S100Z: variants seen among roughly 807,000 people sequenced by gnomAD.
The protein encoded by S100Z is protein S100-Z.
Under a neutral mutation model 8.5 loss-of-function variants are expected in S100Z, and 11 were observed. That is an observed-to-expected ratio of 1.30 (90% CI 0.82 to 2.15). The LOEUF (loss-of-function observed/expected upper bound fraction) is 2.15, where lower values mean the gene tolerates loss of function less well. Ranked by LOEUF, S100Z falls within the 30% of genes most tolerant of loss-of-function variation. The pLI is 0.00. For synonymous variants in S100Z, 34 were observed against 43.8 expected (o/e 0.78, Z 0.89); for missense variants, 126 against 117.9 (o/e 1.07, Z -0.32).
chr5:76,922,724 C>T (rs1184511829), downstream of S100Z, among the ~76,000 whole-genome samples: 3 of 152,052 alleles, frequency 2.0e-5, no homozygotes, highest in South Asian at 2.1e-4. Flanking sequence ...GGGGTTTCAC[C>T]GTGTCAGCCA....
intron 4 of S100Z, among the ~76,000 whole-genome samples, chr5:76,920,366 G>A (rs546913039): frequency 6.6e-6 from 1 of 152,300 alleles, no homozygotes; most frequent in African/African-American, 2.4e-5. Flanking sequence ...GGCCATTTAT[G>A]GCTCTTTTTT....
the S100Z span, among the ~76,000 whole-genome samples, chr5:76,933,096 A>C: frequency 6.6e-6 from 1 of 152,242 alleles, no homozygotes; most frequent in Non-Finnish European, 1.5e-5. Context: ...AAAGTTTTAG[A>C]GTCCACAGTA....
At chr5:76,874,468 G>A (rs1449604674) in intron 2 of S100Z, among the ~76,000 whole-genome samples, 2 of 152,102 alleles carry the variant, frequency 1.3e-5, no homozygotes, top group Non-Finnish European at 2.9e-5. Flanking sequence ...CTTCTTCAAT[G>A]ACCCTTGGGG....
intron 4 of S100Z, among the ~76,000 whole-genome samples, chr5:76,887,395 CTTTT>C (rs70982657): frequency 4.0e-5 from 3 of 74,690 alleles, no homozygotes; most frequent in African/African-American, 1.6e-4. Flanking sequence ...CTGTGCCAGG[CTTTT>C]TTTTTTTTTT....
chr5:76,928,797 G>A, the S100Z span, among the ~76,000 whole-genome samples: 3 of 152,184 alleles, frequency 2.0e-5, no homozygotes, highest in African/African-American at 4.8e-5. Flanking sequence ...CTGGAGTGCA[G>A]CGCACAATCA....
intron 1 of S100Z, among the ~76,000 whole-genome samples, chr5:76,866,002 G>A (rs777330702): frequency 6.0e-5 from 9 of 150,796 alleles, no homozygotes; most frequent in Non-Finnish European, 7.4e-5. Flanking sequence ...GCGACAGAGT[G>A]AGACTCCATC....
At chr5:76,914,321 T>C (rs897478521) in intron 4 of S100Z, among the ~76,000 whole-genome samples, 8 of 151,870 alleles carry the variant, frequency 5.3e-5, no homozygotes, top group African/African-American at 1.7e-4. Flanking sequence ...TCTGTCTAGC[T>C]AAAGGATTGT....
At chr5:76,891,241 A>T (rs1252586655) in intron 4 of S100Z, among the ~76,000 whole-genome samples, 1 of 152,248 alleles carries the variant, frequency 6.6e-6, no homozygotes, top group Non-Finnish European at 1.5e-5. Context: ...TCTTAAAAGC[A>T]GTAGGTTTGA....
chr5:76,899,208 C>T (rs892915334), intron 4 of S100Z, among the ~76,000 whole-genome samples: 1 of 152,116 alleles, frequency 6.6e-6, no homozygotes, highest in African/African-American at 2.4e-5. Flanking sequence ...TGCGGGATTA[C>T]AGGTGTGAGC....
intron 4 of S100Z, among the ~76,000 whole-genome samples, chr5:76,917,123 CA>C (rs35232494): frequency 0.018 from 1,495 of 81,220 alleles, 12 homozygotes; most frequent in African/African-American, 0.065. Flanking sequence ...GAGACTGTCT[CA>C]AAAAAAAAAA....
chr5:76,923,119 A>T (rs115894747), downstream of S100Z, among the ~76,000 whole-genome samples: 1,375 of 152,094 alleles, frequency 9.0e-3, 18 homozygotes, highest in African/African-American at 0.032. Flanking sequence ...TGAAATTTCC[A>T]TGACTATCTC....
intron 4 of S100Z, among the ~76,000 whole-genome samples, chr5:76,892,774 T>A (rs1743909019): frequency 6.6e-6 from 1 of 152,216 alleles, no homozygotes; most frequent in Admixed American, 6.5e-5. Context: ...AGAGGAATAG[T>A]CAACTGTGCA....
At chr5:76,876,610 A>T (rs1743202242) in intron 3 of S100Z, among the ~76,000 whole-genome samples, 1 of 152,102 alleles carries the variant, frequency 6.6e-6, no homozygotes, top group Admixed American at 6.6e-5. Flanking sequence ...ACCTCAAGTG[A>T]TCTGCCTGCC....
chr5:76,856,390 G>C (rs1347898216), intron 1 of S100Z, among the ~76,000 whole-genome samples: 2 of 151,688 alleles, frequency 1.3e-5, no homozygotes, highest in African/African-American at 2.4e-5. Context: ...AGTAGAGATG[G>C]GGTTTTGCCA....
chr5:76,859,784 A>AAAAAAG (rs937439612), intron 1 of S100Z, among the ~76,000 whole-genome samples: 1 of 150,220 alleles, frequency 6.7e-6, no homozygotes, highest in African/African-American at 2.5e-5. Context: ...AAAAAAAAAA[A>AAAAAAG]AGAAATAAGA....
At chr5:76,904,191 C>G (rs576568094) in intron 4 of S100Z, among the ~76,000 whole-genome samples, 1 of 152,026 alleles carries the variant, frequency 6.6e-6, no homozygotes, top group Admixed American at 6.5e-5. Flanking sequence ...ATTTGTCCCC[C>G]CTAACCCCAC....
intron 4 of S100Z, among the ~76,000 whole-genome samples, chr5:76,913,719 G>A (rs1744750673): frequency 6.6e-6 from 1 of 152,236 alleles, no homozygotes; most frequent in South Asian, 2.1e-4. Context: ...TTCGGCGGCA[G>A]TGACTCTCCA....
intron 4 of S100Z, among the ~76,000 whole-genome samples, chr5:76,919,149 C>G (rs888596521): frequency 3.3e-5 from 5 of 152,158 alleles, no homozygotes; most frequent in African/African-American, 4.8e-5. Context: ...TTGCTATAAA[C>G]AGTCATGTGC....
chr5:76,936,912 C>T, the S100Z span, among the ~76,000 whole-genome samples: 8 of 152,266 alleles, frequency 5.3e-5, no homozygotes, highest in African/African-American at 1.7e-4. Context: ...GTCTCTCCTT[C>T]GTCATTCCTC....
Sources: gnomAD v4.1 joint callset for allele counts (sites outside exome capture counted in the v4.1 genomes callset) on GRCh38, gnomAD v4.1.1 for gene constraint, MANE v1.5 for transcripts, NCBI Gene and HGNC (gene_info 2026-07-23, HGNC 2026-07-21) for gene names.